Variants in JAK1 observed in about 807,000 individuals in gnomAD.
JAK1 encodes the protein tyrosine-protein kinase JAK1.
JAK1 carries 16 observed loss-of-function variants against 136.6 expected under a neutral mutation model. That is an observed-to-expected ratio of 0.12 (90% CI 0.08 to 0.18). The LOEUF is 0.18. JAK1 is among the 10% of genes least tolerant of loss of function. The pLI is 1.00. For synonymous variants in JAK1, 492 were observed against 519.5 expected (o/e 0.95, Z 0.72); for missense variants, 859 against 1,450.1 (o/e 0.59, Z 6.62).
At chr1:65,067,313 C>T (rs1350392593) in intron 1 of JAK1, among the ~76,000 whole-genome samples, 1 of 149,920 alleles carries the variant, frequency 6.7e-6, no homozygotes, top group Non-Finnish European at 1.5e-5. Context: ...GGATGCCTAG[C>T]GGGCCGAGCC....
At chr1:64,838,922 G>T (rs1654673844) in intron 20 of JAK1, among the ~76,000 whole-genome samples, 1 of 151,850 alleles carries the variant, frequency 6.6e-6, no homozygotes, top group Non-Finnish European at 1.5e-5. Context: ...GAGGCGGGCG[G>T]ATCACGAGGT....
intron 2 of JAK1, among the ~76,000 whole-genome samples, chr1:65,035,912 C>T (rs1262285895): frequency 6.6e-6 from 1 of 151,808 alleles, no homozygotes; most frequent in Non-Finnish European, 1.5e-5. Flanking sequence ...ACTGAAAATA[C>T]AAAAAATTAT....
rs754010492 is a variant in JAK1 at position 64,857,763 on chromosome 1, T to G, written c.1351A>C (p.Asn451His). ...TCGCTTCCTTCTTGCCGCAATTTAT[T>G]GATGGCGTATTCTGTACTAGAGGGA... ...HGPICTEYAI[N>H]KLRQEGSEEG... Residue 451 changes from asparagine to histidine, a missense_variant, in exon 10 of 25, where the codon AAT becomes CAT. By Grantham distance (68) the Asn-to-His change is moderately conservative. Around this residue, in one of 4 missense-constraint regions of JAK1, gnomAD observed 409 missense variants for 753.8 expected, o/e 0.54. Coordinates refer to ENST00000342505, the MANE Select transcript of JAK1 (RefSeq NM_002227.4). The G allele has an allele frequency of 6.2e-7, 1 of 1,614,192 alleles. No homozygotes were observed. Among genetic ancestry groups the G allele is most frequent in the Non-Finnish European group, 8.5e-7 (1 of 1,180,032 alleles).
intron 2 of JAK1, chr1:64,991,630 A>G (rs1475800844): frequency 6.6e-6 from 1 of 152,264 alleles, no homozygotes; most frequent in African/African-American, 2.4e-5. Context: ...GTTGACAGGA[A>G]GCAGAAAGAA....
intron 2 of JAK1, among the ~76,000 whole-genome samples, chr1:65,035,547 A>C (rs1184045387): frequency 6.6e-6 from 1 of 152,212 alleles, no homozygotes; most frequent in Non-Finnish European, 1.5e-5. Context: ...CTCCTGTAAA[A>C]TAAGGATAAA....
chr1:64,854,270 C>T (rs1183330684), intron 11 of JAK1, among the ~76,000 whole-genome samples: 1 of 152,154 alleles, frequency 6.6e-6, no homozygotes, highest in East Asian at 1.9e-4. Flanking sequence ...GACACGTTCG[C>T]TTGGAAGAAC....
intron 2 of JAK1, among the ~76,000 whole-genome samples, chr1:65,043,700 A>ATTTTTTTTTTTTT (rs112982943): frequency 2.1e-4 from 21 of 101,252 alleles, no homozygotes; most frequent in East Asian, 5.4e-4. Context: ...CACCTGGCTA[A>ATTTTTTTTTTTTT]TTTTTTTTTT....
At chr1:64,991,542 AGTTT>A (rs1646657153) in intron 2 of JAK1, 1 of 152,264 alleles carries the variant, frequency 6.6e-6, no homozygotes, top group Admixed American at 6.5e-5. Flanking sequence ...TAATTTAATT[AGTTT>A]GATCACCAGG....
chr1:64,868,025 A>AGT (rs1656816512), intron 6 of JAK1, among the ~76,000 whole-genome samples: 2 of 151,822 alleles, frequency 1.3e-5, no homozygotes, highest in Admixed American at 6.6e-5. Context: ...AGAGAGAGAG[A>AGT]GAGTGAGAGA....
At position 64,888,140 on chromosome 1, in the gene JAK1, T is replaced by C. The variant is rs545850008; in HGVS notation, c.-77-1799A>G. On this transcript the variant is annotated intron_variant, in intron 1 of 24. Transcript: ENST00000342505. Reference sequence around the variant, plus strand: ...CAGGCTCCATTCAGAAGGGCTACCATATAAACCTTTTTAGAACTTACAAAG... The same window carrying C: ...CAGGCTCCATTCAGAAGGGCTACCACATAAACCTTTTTAGAACTTACAAAG... 7.9e-5 allele frequency among the ~76,000 whole-genome samples: 12 copies of C among 152,308 alleles called. No individual in the cohort carries two copies. In the South Asian group the frequency reaches 2.1e-3, roughly 26 times the overall value.
intron 10 of JAK1, among the ~76,000 whole-genome samples, chr1:64,856,085 C>G: frequency 6.6e-6 from 1 of 152,124 alleles, no homozygotes; most frequent in Non-Finnish European, 1.5e-5. Flanking sequence ...TAAAGTCCAG[C>G]AGATATTATA....
At chr1:65,050,350 C>G (rs1199829510) in intron 1 of JAK1, among the ~76,000 whole-genome samples, 3 of 152,180 alleles carry the variant, frequency 2.0e-5, no homozygotes, top group Non-Finnish European at 1.5e-5. Context: ...TGAGATCAGA[C>G]CTAGGCAGGA....
chr1:64,965,719 T>C (rs887126908), intron 1 of JAK1, among the ~76,000 whole-genome samples: 3 of 152,060 alleles, frequency 2.0e-5, no homozygotes, highest in African/African-American at 7.2e-5. Flanking sequence ...CCTTTCCCAC[T>C]TCTCGCTGGC....
chr1:64,942,483 T>C (rs1340231848), intron 1 of JAK1: 1 of 152,204 alleles, frequency 6.6e-6, no homozygotes, highest in Non-Finnish European at 1.5e-5. Context: ...TATCTTTCCT[T>C]TGCAAGATTA....
chr1:64,863,177 T>G (rs1205705196), intron 8 of JAK1, among the ~76,000 whole-genome samples: 1 of 151,262 alleles, frequency 6.6e-6, no homozygotes, highest in Admixed American at 6.6e-5. Flanking sequence ...ATGCAGCATA[T>G]GACACGGGGC....
intron 1 of JAK1, among the ~76,000 whole-genome samples, chr1:64,910,647 A>G (rs1645268080): frequency 6.6e-6 from 1 of 152,172 alleles, no homozygotes; most frequent in African/African-American, 2.4e-5. Flanking sequence ...CAGCCTGGCC[A>G]ACATGGCGAA....
intron 9 of JAK1, 39 bp downstream of exon 9, chr1:64,860,066 C>A (rs759652550): frequency 1.4e-6 from 2 of 1,439,388 alleles, no homozygotes; most frequent in Non-Finnish European, 1.9e-6. Flanking sequence ...CACGGGCTCT[C>A]TGCACACCAA....
intron 1 of JAK1, among the ~76,000 whole-genome samples, chr1:64,904,959 A>T (rs192811024): frequency 6.6e-6 from 1 of 152,290 alleles, no homozygotes; most frequent in African/African-American, 2.4e-5. Context: ...CCTGGGAAAA[A>T]TCCTTGCAAT....
intron 1 of JAK1, among the ~76,000 whole-genome samples, chr1:64,956,576 C>A (rs902347892): frequency 1.3e-5 from 2 of 152,224 alleles, no homozygotes; most frequent in Non-Finnish European, 2.9e-5. Context: ...TTCTCTATTG[C>A]ACTTATCACC....
Sources: gnomAD v4.1 joint callset for allele counts (sites outside exome capture counted in the v4.1 genomes callset) on GRCh38, gnomAD v4.1.1 for gene constraint, gnomAD v4.1.1 regional missense constraint, MANE v1.5 for transcripts, NCBI Gene and HGNC (gene_info 2026-07-23, HGNC 2026-07-21) for gene names.